Variants in UBAP2 observed in about 807,000 individuals in gnomAD.
UBAP2 encodes ubiquitin-associated protein 2.
UBAP2 carries 75 observed loss-of-function variants against 139.6 expected under a neutral mutation model. That is an observed-to-expected ratio of 0.54 (90% CI 0.45 to 0.65). The LOEUF (loss-of-function observed/expected upper bound fraction) is 0.65. Ranked by LOEUF, UBAP2 falls within the 30% of genes least tolerant of loss-of-function variation. UBAP2 has a pLI of 0.00. For missense variants in UBAP2, 1,368 were observed against 1,369.6 expected, an observed-to-expected ratio of 1.00 and a Z score of 0.02; for synonymous variants, 526 against 526.2, an observed-to-expected ratio of 1.00 and a Z score of 0.01.
chr9:33,961,524 G>T (rs1208269319), intron 9 of UBAP2, among the ~76,000 whole-genome samples: 1 of 150,348 alleles, frequency 6.7e-6, no homozygotes, highest in Non-Finnish European at 1.5e-5. Context: ...ACTTTCAAAA[G>T]TGTTGCTACT....
Position 33,973,205 on chromosome 9 carries a change from T to C in UBAP2, c.553A>G (p.Arg185Gly). ...TACCCCATGCCTTGGGTTGAGAACC[T>C]TCCTGCCCCTCTCCCTCTGCCACGT... Reference protein sequence around the residue: ...FGRGRGRGAGRFSTQGMGTFN... With the variant: ...FGRGRGRGAGGFSTQGMGTFN... The change falls in exon 7 of 29, where the codon AGG becomes GGG. Residue 185 changes from arginine to glycine, a missense_variant. Transcript: ENST00000379238. The C allele has an allele frequency of 1.9e-6, 3 of 1,614,052 alleles. No individual in the cohort carries two copies. Among genetic ancestry groups the C allele is most frequent in the Non-Finnish European group, 2.5e-6 (3 of 1,179,952 alleles).
intron 2 of UBAP2, among the ~76,000 whole-genome samples, chr9:34,011,046 G>C (rs904641767): frequency 6.6e-6 from 1 of 152,096 alleles, no homozygotes; most frequent in Admixed American, 6.6e-5. Context: ...CCAGTGCTTT[G>C]TAAACGTGCA....
intron 13 of UBAP2, among the ~76,000 whole-genome samples, chr9:33,945,391 C>T (rs1343199780): frequency 6.6e-6 from 1 of 151,760 alleles, no homozygotes; most frequent in East Asian, 1.9e-4. Flanking sequence ...CCCAGCTACT[C>T]GGGAGGCTGA....
chr9:33,992,389 CAAAA>C (rs33969994), intron 4 of UBAP2, among the ~76,000 whole-genome samples: 1 of 80,024 alleles, frequency 1.2e-5, no homozygotes, highest in African/African-American at 5.2e-5. Context: ...AACTCCATCT[CAAAA>C]AAAAAAAAAA....
At chr9:33,923,608 C>T (rs994549149) in intron 24 of UBAP2, 130 bp from the exon 25 acceptor site, 7 of 1,065,966 alleles carry the variant, frequency 6.6e-6, no homozygotes, top group African/African-American at 6.2e-5. Flanking sequence ...TTCATTAGTG[C>T]AACACATGCT....
At chr9:33,942,799 G>A (rs1825351197) in intron 15 of UBAP2, among the ~76,000 whole-genome samples, 1 of 152,002 alleles carries the variant, frequency 6.6e-6, no homozygotes. Flanking sequence ...TCCACTGAAG[G>A]AAAATGACTG....
intron 26 of UBAP2, 54 bp from the exon 27 acceptor site, chr9:33,923,087 C>G: frequency 1.2e-6 from 2 of 1,613,336 alleles, no homozygotes; most frequent in East Asian, 4.5e-5. Flanking sequence ...TCCAGGCTCC[C>G]CACCTCCAGG....
chr9:33,925,249 G>A (rs1259601664), intron 22 of UBAP2, among the ~76,000 whole-genome samples: 1 of 152,176 alleles, frequency 6.6e-6, no homozygotes, highest in Non-Finnish European at 1.5e-5. Context: ...GAAACCTCCC[G>A]GAAACCCATA....
intron 1 of UBAP2, among the ~76,000 whole-genome samples, chr9:34,032,898 A>C (rs1826008391): frequency 6.7e-6 from 1 of 148,666 alleles, no homozygotes; most frequent in Admixed American, 6.9e-5. Context: ...CCTGGGCAAC[A>C]GAGCAAGACC....
At chr9:34,015,032 C>A (rs1462668606) in intron 2 of UBAP2, among the ~76,000 whole-genome samples, 2 of 152,162 alleles carry the variant, frequency 1.3e-5, no homozygotes, top group African/African-American at 2.4e-5. Flanking sequence ...CTCACTATGT[C>A]CCCTAACATC....
At chr9:33,982,078 G>A (rs962007160) in intron 6 of UBAP2, among the ~76,000 whole-genome samples, 1 of 151,898 alleles carries the variant, frequency 6.6e-6, no homozygotes, top group Admixed American at 6.6e-5. Flanking sequence ...CCCAAGACAG[G>A]CCCCACTCCT....
chr9:34,016,461 A>G (rs1316898872), intron 2 of UBAP2, among the ~76,000 whole-genome samples: 2 of 152,012 alleles, frequency 1.3e-5, no homozygotes, highest in African/African-American at 4.8e-5. Flanking sequence ...GGTTAGCATT[A>G]AAGAGTTCTC....
At chr9:34,017,819 T>C (rs1824508935) in intron 1 of UBAP2, among the ~76,000 whole-genome samples, 1 of 151,632 alleles carries the variant, frequency 6.6e-6, no homozygotes, top group Non-Finnish European at 1.5e-5. Context: ...CCCAGCTACT[T>C]AGGAGGCCAA....
At chr9:33,960,980 T>C in intron 9 of UBAP2, 102 bp from the exon 10 acceptor site, 1 of 1,038,242 alleles carries the variant, frequency 9.6e-7, no homozygotes, top group Non-Finnish European at 1.5e-6. Context: ...AAAAGATACA[T>C]ACGCCTCACT....
chr9:34,018,386 AC>A (rs143116456), intron 1 of UBAP2, among the ~76,000 whole-genome samples: 11,989 of 151,982 alleles, frequency 0.079, 680 homozygotes, highest in Non-Finnish European at 0.12. Flanking sequence ...AAAAACTAGA[AC>A]CCTTGTGCAC....
chr9:33,957,745 C>T (rs1405472622), intron 10 of UBAP2, among the ~76,000 whole-genome samples: 2 of 152,116 alleles, frequency 1.3e-5, no homozygotes, highest in Non-Finnish European at 2.9e-5. Context: ...AAAATGTTCC[C>T]ATAATTCTTA....
At chr9:34,040,424 A>G (rs957478055) in intron 1 of UBAP2, among the ~76,000 whole-genome samples, 2 of 152,020 alleles carry the variant, frequency 1.3e-5, no homozygotes, top group African/African-American at 4.8e-5. Flanking sequence ...AAATATCTGT[A>G]ATTACAACAG....
chr9:33,990,181 T>C (rs553109279), intron 4 of UBAP2, among the ~76,000 whole-genome samples: 18 of 152,310 alleles, frequency 1.2e-4, no homozygotes, highest in Admixed American at 3.3e-4. Context: ...ATAGTTTCCA[T>C]TTACTTATTC....
chr9:33,983,413 C>A (rs527565428), intron 6 of UBAP2, among the ~76,000 whole-genome samples: 1 of 152,234 alleles, frequency 6.6e-6, no homozygotes, highest in South Asian at 2.1e-4. Context: ...TGTGAGAGAT[C>A]AAATACCCTA....
Sources: allele counts gnomAD v4.1 joint callset (sites outside exome capture counted in the v4.1 genomes callset), GRCh38; gene constraint gnomAD v4.1.1; transcripts MANE v1.5; gene names NCBI Gene and HGNC (gene_info 2026-07-23, HGNC 2026-07-21).